The following CNGB1 variants were observed in gnomAD, a reference collection of about 807,000 sequenced individuals.
The protein encoded by CNGB1 is cyclic nucleotide-gated channel beta-1.
Under a neutral mutation model 151.7 loss-of-function variants are expected in CNGB1, and 126 were observed. The observed-to-expected ratio is 0.83, with a 90% confidence interval of 0.72 to 0.96. The LOEUF (loss-of-function observed/expected upper bound fraction) is 0.96. Ranked by LOEUF, CNGB1 falls within the 40% of genes least tolerant of loss-of-function variation. CNGB1 has a pLI of 0.00. For missense variants in CNGB1, 1,698 were observed against 1,627.0 expected, an observed-to-expected ratio of 1.04 and a Z score of -0.75; for synonymous variants, 623 against 635.1, an observed-to-expected ratio of 0.98 and a Z score of 0.29.
chr16:57,957,297 C>T, intron 12 of CNGB1, 44 bp downstream of exon 12: 5 of 1,592,472 alleles, frequency 3.1e-6, no homozygotes, highest in Non-Finnish European at 4.3e-6. Flanking sequence ...CACCAAGCAA[C>T]CCTTCCTAAT....
At chr16:57,887,446 C>A (rs1208093391) in intron 32 of CNGB1, among the ~76,000 whole-genome samples, 1 of 151,956 alleles carries the variant, frequency 6.6e-6, no homozygotes, top group Non-Finnish European at 1.5e-5. Flanking sequence ...GACAGTGAGT[C>A]CTGGAACTTT....
rs780554214 is a variant in CNGB1 at position 57,884,415 on chromosome 16, C to A, written c.3505G>T (p.Ala1169Ser). 6.2e-7 allele frequency: 1 copy of A among 1,613,348 alleles called. No individual in the cohort carries two copies. The highest frequency in any genetic ancestry group is 1.3e-5 in the African/African-American group (1 of 74,810). Residue 1169 changes from alanine to serine, a missense_variant, in exon 33 of 33, where the codon GCC becomes TCC. By Grantham distance (99) the Ala-to-Ser change is moderately conservative (BLOSUM62 1). Transcript: ENST00000251102. ...TTTGGGTGCGTGTGCTGGTCTGGGG[C>A]GGCGGAGCCTTCCTCTCCCTTGACG... ...QDVKGEEGSA[A>S]PDQHTHPKEA... is the part of the protein sequence containing the mutation.
At chr16:57,925,610 G>C (rs928149310) in intron 17 of CNGB1, among the ~76,000 whole-genome samples, 2 of 152,162 alleles carry the variant, frequency 1.3e-5, no homozygotes, top group African/African-American at 4.8e-5. Context: ...CTTTAGCTGT[G>C]ACTCTGTGAA....
At chr16:57,960,643 G>A (rs576829966) in intron 8 of CNGB1, 113 bp from the exon 9 acceptor site, 6 of 1,402,746 alleles carry the variant, frequency 4.3e-6, no homozygotes, top group Admixed American at 1.9e-5. Context: ...GGATGGGGGT[G>A]GGGGGTGTCT....
chr16:57,884,114 G>A lies in CNGB1; in HGVS notation c.*50C>T, dbSNP rs1567358700. The A allele has an allele frequency of 1.9e-6, 3 of 1,612,466 alleles. No individual in the cohort carries two copies. The highest frequency in any genetic ancestry group is 2.5e-6 in the Non-Finnish European group (3 of 1,178,678). ...GCTGGGGCGCAGGGGCGCAGCGGGC[G>A]CTGGGGACACACCTGCTGGAACTGC... On this transcript the variant is annotated 3_prime_UTR_variant, in exon 33 of 33. Coordinates refer to ENST00000251102, the MANE Select transcript of CNGB1 (RefSeq NM_001297.5).
At chr16:57,961,036 G>A (rs1478870446) in intron 7 of CNGB1, 121 bp from the exon 8 acceptor site, 2 of 869,000 alleles carry the variant, frequency 2.3e-6, no homozygotes, top group African/African-American at 3.3e-5. Flanking sequence ...TCTGCACAGT[G>A]GGGGCCTTGT....
chr16:57,947,252 C>G (rs1313698882), intron 14 of CNGB1, among the ~76,000 whole-genome samples: 1 of 152,210 alleles, frequency 6.6e-6, no homozygotes, highest in Non-Finnish European at 1.5e-5. Context: ...CATAGTTGAT[C>G]ACTGGCCTTC....
At chr16:57,955,029 G>A (rs1357072876) in intron 12 of CNGB1, 9 of 1,218,230 alleles carry the variant, frequency 7.4e-6, no homozygotes, top group Middle Eastern at 3.4e-4. Flanking sequence ...GATTACAGGC[G>A]TGAGCCACCA....
At chr16:57,910,651 G>A (rs1422008208) in intron 25 of CNGB1, among the ~76,000 whole-genome samples, 2 of 150,606 alleles carry the variant, frequency 1.3e-5, no homozygotes, top group East Asian at 1.9e-4. Context: ...TGGGATTACA[G>A]GCGTGAGCCA....
At chr16:57,927,575 C>T (rs1207419812) in intron 17 of CNGB1, among the ~76,000 whole-genome samples, 1 of 152,222 alleles carries the variant, frequency 6.6e-6, no homozygotes, top group Non-Finnish European at 1.5e-5. Context: ...CCTCATGTAT[C>T]CCCAGCACCC....
intron 7 of CNGB1, 76 bp from the exon 8 acceptor site, chr16:57,960,991 G>T (rs2149387080): frequency 4.6e-6 from 6 of 1,315,174 alleles, no homozygotes; most frequent in South Asian, 3.6e-5. Context: ...TCGGGGCCAG[G>T]CCTCAACCAG....
chr16:57,893,813 C>CA (rs1329830246), intron 31 of CNGB1, among the ~76,000 whole-genome samples: 12 of 151,678 alleles, frequency 7.9e-5, no homozygotes, highest in South Asian at 4.1e-4. Flanking sequence ...CTCAAAAAAA[C>CA]AAAAAAAATT....
chr16:57,920,229 C>G (rs1361837464), intron 19 of CNGB1, among the ~76,000 whole-genome samples, 158 bp downstream of exon 19: 1 of 152,202 alleles, frequency 6.6e-6, no homozygotes, highest in Admixed American at 6.5e-5. Context: ...ATATCTCAAC[C>G]TGTACATATG....
chr16:57,896,761 T>TAAAA lies in CNGB1; in HGVS notation c.3242+632_3242+635dup, dbSNP rs573298285. 2.1e-3 allele frequency among the ~76,000 whole-genome samples: 287 copies of TAAAA among 139,136 alleles called. 6 individuals carry two copies. Among genetic ancestry groups the TAAAA allele is most frequent in the Admixed American group, 3.7e-3 (51 of 13,822 alleles). 91.3% of individuals were successfully genotyped at this position (139,136 alleles called of 152,430 possible). On this transcript the variant is annotated intron_variant, in intron 31 of 32. Coordinates refer to ENST00000251102, the MANE Select transcript of CNGB1 (RefSeq NM_001297.5). ...ATAAATAAATAAATAAATAAATAAATAAAATAACTGGCCTATATGCTTAAA... is the reference window on the plus strand; with the variant it reads ...ATAAATAAATAAATAAATAAATAAATAAAAAAAATAACTGGCCTATATGCTTAAA...
chr16:57,931,261 T>C (rs540533756), intron 17 of CNGB1, among the ~76,000 whole-genome samples: 109 of 152,190 alleles, frequency 7.2e-4, no homozygotes, highest in African/African-American at 2.6e-3. Flanking sequence ...CAAGCAATTG[T>C]CATGCCTCAG....
intron 23 of CNGB1, among the ~76,000 whole-genome samples, chr16:57,914,426 T>G (rs1960808466): frequency 6.6e-6 from 1 of 152,250 alleles, no homozygotes; most frequent in Non-Finnish European, 1.5e-5. Context: ...TTTCTTCTCA[T>G]CAGGGCACTT....
At chr16:57,890,423 AG>A (rs1369361911) in intron 31 of CNGB1, among the ~76,000 whole-genome samples, 41 of 152,340 alleles carry the variant, frequency 2.7e-4, no homozygotes, top group African/African-American at 9.6e-4. Flanking sequence ...AGGAAGGCTG[AG>A]GGTGCTGTGA....
Position 57,939,559 on chromosome 16 carries a change from T to G in CNGB1, c.1243A>C (p.Lys415Gln). The change falls in exon 16 of 33, where the codon AAG becomes CAG. Residue 415 changes from lysine to glutamine, a missense_variant. Transcript: ENST00000251102. The stretch of plus-strand genomic sequence containing the variant: ...TCCTTGGCCTTCTCTTCAGCCTCCT[T>G]CTTGGCCTCCTCCCCAACTTCCTCC... ...LWEEVGEEAK[K>Q]EAEEKAKEEA... The G allele has an allele frequency of 6.2e-7, 1 of 1,614,122 alleles. No homozygotes were observed. Among genetic ancestry groups the G allele is most frequent in the Non-Finnish European group, 8.5e-7 (1 of 1,179,996 alleles).
chr16:57,911,686 G>T, intron 25 of CNGB1, 67 bp downstream of exon 25: 1 of 1,602,422 alleles, frequency 6.2e-7, no homozygotes, highest in Non-Finnish European at 8.5e-7. Context: ...TGGAGTCTCT[G>T]TGCTGCGAAT....
Sources: allele counts gnomAD v4.1 joint callset (sites outside exome capture counted in the v4.1 genomes callset), GRCh38; gene constraint gnomAD v4.1.1; transcripts MANE v1.5; gene names NCBI Gene and HGNC (gene_info 2026-07-23, HGNC 2026-07-21).